Variants in PPP2R3A observed in about 807,000 individuals in gnomAD.
PPP2R3A encodes the protein serine/threonine-protein phosphatase 2A regulatory subunit B'' subunit alpha.
Under a neutral mutation model 106.9 loss-of-function variants are expected in PPP2R3A, and 80 were observed. That is an observed-to-expected ratio of 0.75 (90% CI 0.62 to 0.90). PPP2R3A has a LOEUF of 0.90. PPP2R3A is among the 40% of genes least tolerant of loss of function. The probability of loss-of-function intolerance (pLI) is 0.00; values close to 1 mark genes in which losing one functional copy is unlikely to be tolerated. For missense variants in PPP2R3A, 1,386 were observed against 1,350.4 expected, an observed-to-expected ratio of 1.03 and a Z score of -0.41; for synonymous variants, 483 against 468.3, an observed-to-expected ratio of 1.03 and a Z score of -0.41.
intron 2 of PPP2R3A, among the ~76,000 whole-genome samples, chr3:136,006,185 C>G (rs1401779423): frequency 1.3e-5 from 2 of 152,090 alleles, no homozygotes; most frequent in Non-Finnish European, 2.9e-5. Context: ...TTGTCTCCTG[C>G]CATTCTTTTA....
chr3:136,140,442 T>TAAAAA (rs199699500), intron 13 of PPP2R3A, among the ~76,000 whole-genome samples: 7 of 87,232 alleles, frequency 8.0e-5, no homozygotes, highest in African/African-American at 2.9e-4. Flanking sequence ...TGAGACTCTT[T>TAAAAA]AAAAAAAAAA....
At chr3:136,043,053 CAGGT>C (rs1228514270) in intron 4 of PPP2R3A, among the ~76,000 whole-genome samples, 1 of 150,762 alleles carries the variant, frequency 6.6e-6, no homozygotes, top group African/African-American at 2.4e-5. Flanking sequence ...AAATTGCTAA[CAGGT>C]AATTATACAG....
chr3:136,136,075 T>A (rs368837499), intron 13 of PPP2R3A, among the ~76,000 whole-genome samples: 162 of 7,690 alleles, frequency 0.021, 5 homozygotes, highest in Non-Finnish European at 0.037. Flanking sequence ...AAAAAAAAAT[T>A]ATATATATAT....
chr3:135,995,447 A>ATTTTTTTTT (rs60359404), intron 1 of PPP2R3A, among the ~76,000 whole-genome samples: 5 of 87,326 alleles, frequency 5.7e-5, no homozygotes, highest in Admixed American at 1.4e-4. Context: ...ACGTTGACAG[A>ATTTTTTTTT]TTTTTTTTTT....
chr3:136,074,541 G>A (rs1430033665), intron 6 of PPP2R3A, among the ~76,000 whole-genome samples: 2 of 152,220 alleles, frequency 1.3e-5, no homozygotes, highest in East Asian at 3.8e-4. Context: ...AAAAGGTTTT[G>A]CTTATCCAAA....
At chr3:136,034,863 T>C (rs1419428317) in intron 3 of PPP2R3A, among the ~76,000 whole-genome samples, 2 of 152,236 alleles carry the variant, frequency 1.3e-5, no homozygotes, top group Admixed American at 6.5e-5. Flanking sequence ...CTGTCTCATT[T>C]CTTAGGTCTA....
intron 3 of PPP2R3A, among the ~76,000 whole-genome samples, chr3:136,028,166 A>G (rs1046346616): frequency 2.8e-4 from 43 of 151,904 alleles, no homozygotes; most frequent in African/African-American, 1.0e-3. Context: ...CCTCCTGCCA[A>G]CCTCCTCAGC....
rs905735186 is a variant in PPP2R3A at position 136,049,318 on chromosome 3, A to G, written c.2426A>G (p.Asn809Ser). Reference protein sequence around the residue: ...SKFICLLAKPNCSSLEQEDFI... With the variant: ...SKFICLLAKPSCSSLEQEDFI... ...TTCATCTGTCTTCTAGCAAAGCCCA[A>G]CTGCAGCTCTCTAGAACAGGAGGAT... Residue 809 changes from asparagine to serine, a missense_variant, in exon 5 of 14, where the codon AAC (asparagine) becomes AGC (serine). Transcript: ENST00000264977. 1.2e-6 allele frequency: 2 copies of G among 1,613,792 alleles called. No individual in the cohort carries two copies. Among genetic ancestry groups the G allele is most frequent in the African/African-American group, 1.3e-5 (1 of 75,028 alleles).
chr3:136,118,712 A>G (rs1007863365), intron 13 of PPP2R3A, among the ~76,000 whole-genome samples: 1 of 151,540 alleles, frequency 6.6e-6, no homozygotes, highest in East Asian at 1.9e-4. Context: ...CCACTGCTCA[A>G]TGAAATAAGA....
At chr3:136,079,888 G>C (rs6774621) in intron 7 of PPP2R3A, among the ~76,000 whole-genome samples, 46,971 of 151,530 alleles carry the variant, frequency 0.31, 7,650 homozygotes, top group African/African-American at 0.38. Context: ...TTTTCTCCTC[G>C]CTTTCCTTCC....
At chr3:135,989,759 G>A (rs1467295220) in intron 1 of PPP2R3A, among the ~76,000 whole-genome samples, 1 of 152,020 alleles carries the variant, frequency 6.6e-6, no homozygotes, top group Non-Finnish European at 1.5e-5. Context: ...TAAATTTACT[G>A]TGCTCATACA....
intron 2 of PPP2R3A, among the ~76,000 whole-genome samples, chr3:136,007,515 C>T (rs1356392149): frequency 1.3e-5 from 2 of 152,148 alleles, no homozygotes; most frequent in Non-Finnish European, 1.5e-5. Context: ...ACCTAAAAAA[C>T]GACAGTACCC....
intron 13 of PPP2R3A, among the ~76,000 whole-genome samples, chr3:136,115,199 A>T (rs1338166746): frequency 6.6e-6 from 1 of 152,214 alleles, no homozygotes; most frequent in Non-Finnish European, 1.5e-5. Flanking sequence ...GAAAACTAAC[A>T]AACAGAAAAG....
chr3:136,030,212 T>C (rs1021855576), intron 3 of PPP2R3A, among the ~76,000 whole-genome samples: 4 of 140,658 alleles, frequency 2.8e-5, no homozygotes, highest in Non-Finnish European at 6.0e-5. Flanking sequence ...AGTGAGAACC[T>C]GTCTCAATAA....
Position 135,985,277 on chromosome 3 carries a change from G to A in PPP2R3A, c.-440-15782G>A, listed in dbSNP as rs184798947. ...AGGGTCAGCATAGCAGCACACCTCC[G>A]TCTCTAACCCAGTCCTGCTCACTTT... On this transcript the variant is annotated intron_variant, in intron 1 of 13. Coordinates refer to ENST00000264977, the MANE Select transcript of PPP2R3A (RefSeq NM_002718.5). Among the ~76,000 whole-genome samples the A allele has an allele frequency of 2.5e-4, 38 of 151,244 alleles. No homozygotes were observed. In the East Asian group the frequency reaches 4.3e-3, roughly 17 times the overall value.
At chr3:136,054,211 T>G (rs1935779249) in intron 5 of PPP2R3A, among the ~76,000 whole-genome samples, 1 of 151,678 alleles carries the variant, frequency 6.6e-6, no homozygotes. Flanking sequence ...ATAAGCACAT[T>G]AAATACTACT....
rs1289271817 is a variant in PPP2R3A, at chr3:136,002,671, C to G, written c.1173C>G (p.Val391=). 1.2e-6 allele frequency: 2 copies of G among 1,613,328 alleles called. No individual in the cohort carries two copies. Among genetic ancestry groups the G allele is most frequent in the East Asian group, 2.2e-5 (1 of 44,862 alleles). ...ATGATCCTAGAACTCTAAAAGCTGT[C>G]CAGGTCCAATCACAGTCATTAACCA... is the stretch of plus-strand genomic sequence containing the variant. ...EVNDPRTLKA[V]QVQSQSLTMN... Residue 391 remains valine (V), a synonymous_variant, in exon 2 of 14, where the codon GTC becomes GTG. Coordinates refer to ENST00000264977, the MANE Select transcript of PPP2R3A (RefSeq NM_002718.5).
At chr3:136,111,058 A>G (rs1341071503) in intron 13 of PPP2R3A, among the ~76,000 whole-genome samples, 1 of 152,232 alleles carries the variant, frequency 6.6e-6, no homozygotes, top group African/African-American at 2.4e-5. Flanking sequence ...AGGTGCAAAA[A>G]GTATACCACA....
intron 13 of PPP2R3A, among the ~76,000 whole-genome samples, chr3:136,140,794 C>T (rs999988659): frequency 1.5e-4 from 23 of 151,850 alleles, no homozygotes; most frequent in African/African-American, 5.1e-4. Flanking sequence ...CCTATAATCC[C>T]AGCTACTCAG....
Sources: allele counts gnomAD v4.1 joint callset (sites outside exome capture counted in the v4.1 genomes callset), GRCh38; gene constraint gnomAD v4.1.1; transcripts MANE v1.5; gene names NCBI Gene and HGNC (gene_info 2026-07-23, HGNC 2026-07-21).